The following HK2 variants were observed in gnomAD, a reference collection of about 807,000 sequenced individuals.
The protein encoded by HK2 is hexokinase-2.
In HK2, 42 loss-of-function variants were observed where a neutral mutation model predicts 92.9. That is an observed-to-expected ratio of 0.45 (90% CI 0.35 to 0.58). HK2 has a LOEUF of 0.58. Among genes scored for constraint, HK2 ranks in the 20% least tolerant of loss-of-function variants. HK2 has a pLI of 0.00. For synonymous variants in HK2, 422 were observed against 468.0 expected (o/e 0.90, Z 1.27); for missense variants, 978 against 1,245.1 (o/e 0.79, Z 3.23).
At chr2:74,877,050 T>C in intron 7 of HK2, 116 bp from the exon 8 acceptor site, 1 of 1,389,382 alleles carries the variant, frequency 7.2e-7, no homozygotes, top group Middle Eastern at 2.5e-4. Flanking sequence ...TGGGCCGTGC[T>C]GCACACATTA....
intron 4 of HK2, 128 bp downstream of exon 4, chr2:74,872,547 TC>T: frequency 1.1e-6 from 1 of 952,280 alleles, no homozygotes; most frequent in Non-Finnish European, 1.5e-6. Context: ...GTTCTGCCTT[TC>T]TGGGTGACTG....
At chr2:74,837,114 G>A (rs886094470) in intron 1 of HK2, among the ~76,000 whole-genome samples, 5 of 152,206 alleles carry the variant, frequency 3.3e-5, no homozygotes, top group African/African-American at 1.2e-4. Flanking sequence ...AGGTATGTCA[G>A]CTTATTAACA....
chr2:74,878,432 T>TGTGTGCGCGCGCACGCACATGCGTGTGC, intron 8 of HK2, among the ~76,000 whole-genome samples: 1 of 150,672 alleles, frequency 6.6e-6, no homozygotes, highest in African/African-American at 2.5e-5. Flanking sequence ...TGTGTGTGTG[T>TGTGTGCGCGCGCACGCACATGCGTGTGC]GTGTGTGCGC....
At chr2:74,879,523 T>C (rs1286194045) in intron 9 of HK2, among the ~76,000 whole-genome samples, 1 of 152,232 alleles carries the variant, frequency 6.6e-6, no homozygotes, top group Non-Finnish European at 1.5e-5. Flanking sequence ...TCCCTCTTCC[T>C]ACCCAGTGTT....
chr2:74,843,880 C>T (rs1688373110), intron 1 of HK2, among the ~76,000 whole-genome samples: 1 of 152,240 alleles, frequency 6.6e-6, no homozygotes, highest in Non-Finnish European at 1.5e-5. Context: ...TCAGTCCCCT[C>T]CATGAAGTCC....
intron 12 of HK2, among the ~76,000 whole-genome samples, chr2:74,885,044 T>C (rs28363045): frequency 0.024 from 3,655 of 152,260 alleles, 82 homozygotes; most frequent in Middle Eastern, 0.058. Flanking sequence ...CAGAGCAAAC[T>C]GCTTTGCCCA....
intron 2 of HK2, among the ~76,000 whole-genome samples, chr2:74,861,246 C>A (rs993550880): frequency 1.3e-5 from 2 of 152,040 alleles, no homozygotes; most frequent in Non-Finnish European, 2.9e-5. Context: ...ATGTTGAAAC[C>A]CCATCTCTAC....
chr2:74,878,445 G>A lies in HK2; in HGVS notation c.1032-243G>A, dbSNP rs146519755. 4.0e-4 allele frequency among the ~76,000 whole-genome samples: 60 copies of A among 150,866 alleles called. No individual in the cohort carries two copies. The South Asian group carries it at 7.7e-3, about 19-fold the overall frequency. On this transcript the variant is annotated intron_variant, in intron 8 of 17. Transcript: ENST00000290573. Reference sequence around the variant, plus strand: ...TGTGTGTGTGTGTGTGTGTGCGCACGCACATGCGTGTGCGTGTGTGTGTGG... The same window carrying A: ...TGTGTGTGTGTGTGTGTGTGCGCACACACATGCGTGTGCGTGTGTGTGTGG...
chr2:74,889,599 T>A, intron 17 of HK2, 121 bp downstream of exon 17: 1 of 769,622 alleles, frequency 1.3e-6, no homozygotes, highest in Non-Finnish European at 2.3e-6. Flanking sequence ...ATAGTGTATA[T>A]AATACATGGA....
chr2:74,869,875 G>A (rs1255100291), intron 3 of HK2, among the ~76,000 whole-genome samples: 1 of 152,140 alleles, frequency 6.6e-6, no homozygotes, highest in Non-Finnish European at 1.5e-5. Flanking sequence ...ACTTCTTGCA[G>A]CAATGGAACT....
chr2:74,853,969 A>G (rs907448218), intron 1 of HK2, among the ~76,000 whole-genome samples: 1 of 152,020 alleles, frequency 6.6e-6, no homozygotes, highest in African/African-American at 2.4e-5. Flanking sequence ...AGATGAGGGT[A>G]ATGAACCCTG....
intron 8 of HK2, 52 bp from the exon 9 acceptor site, chr2:74,878,636 C>G: frequency 7.0e-7 from 1 of 1,436,698 alleles, no homozygotes; most frequent in East Asian, 2.4e-5. Flanking sequence ...GACACACACA[C>G]TGGCCACAGT....
intron 2 of HK2, among the ~76,000 whole-genome samples, chr2:74,859,923 A>T (rs142923106): frequency 6.6e-6 from 1 of 152,364 alleles, no homozygotes; most frequent in East Asian, 1.9e-4. Context: ...GTCGATGCCC[A>T]TCAATGGACA....
At chr2:74,868,036 C>A (rs1487798924) in intron 3 of HK2, 1 of 467,874 alleles carries the variant, frequency 2.1e-6, no homozygotes, top group African/African-American at 2.0e-5. Flanking sequence ...AGACGCTGTT[C>A]AGTGTTGTCA....
chr2:74,844,512 G>A (rs1466912473), intron 1 of HK2, among the ~76,000 whole-genome samples: 2 of 152,234 alleles, frequency 1.3e-5, no homozygotes, highest in Admixed American at 1.3e-4. Context: ...AAGCAGGGAA[G>A]TGTGGGTACC....
At chr2:74,864,832 A>G (rs569228759) in intron 2 of HK2, among the ~76,000 whole-genome samples, 1 of 152,324 alleles carries the variant, frequency 6.6e-6, no homozygotes, top group Admixed American at 6.5e-5. Context: ...GTTCACATAC[A>G]ACATAGTCCA....
chr2:74,881,637 T>C, intron 10 of HK2, 74 bp from the exon 11 acceptor site: 2 of 1,452,206 alleles, frequency 1.4e-6, no homozygotes, highest in Non-Finnish European at 9.7e-7. Flanking sequence ...TGTATTTGGA[T>C]CGTTTTAAGT....
chr2:74,867,245 C>G (rs184074549), intron 2 of HK2, among the ~76,000 whole-genome samples: 71 of 151,380 alleles, frequency 4.7e-4, no homozygotes, highest in Non-Finnish European at 7.6e-4. Flanking sequence ...GGATTGGAGA[C>G]CATTATTCTA....
intron 8 of HK2, among the ~76,000 whole-genome samples, chr2:74,877,654 T>C (rs1158032753): frequency 6.6e-6 from 1 of 152,202 alleles, no homozygotes; most frequent in Non-Finnish European, 1.5e-5. Flanking sequence ...CTTTTCCTTC[T>C]CCTGAAGCTC....
Sources: allele counts gnomAD v4.1 joint callset (sites outside exome capture counted in the v4.1 genomes callset), GRCh38; gene constraint gnomAD v4.1.1; transcripts MANE v1.5; gene names NCBI Gene and HGNC (gene_info 2026-07-23, HGNC 2026-07-21).